The following ROBO2 variants were observed in gnomAD, a reference collection of about 807,000 sequenced individuals.
The protein encoded by ROBO2 is roundabout guidance receptor 2.
In ROBO2, 53 loss-of-function variants were observed where a neutral mutation model predicts 160.8. That is an observed-to-expected ratio of 0.33 (90% confidence interval 0.26 to 0.41). The LOEUF is 0.41. Ranked by LOEUF, ROBO2 falls within the 10% of genes least tolerant of loss-of-function variation. ROBO2 has a pLI of 1.00. For missense variants in ROBO2, 1,577 were observed against 1,722.4 expected (o/e 0.92, Z 1.49); for synonymous variants, 664 against 611.7 (o/e 1.09, Z -1.26).
chr3:76,407,513 T>G (rs1035843179), intron 2 of ROBO2, among the ~76,000 whole-genome samples: 1 of 151,800 alleles, frequency 6.6e-6, no homozygotes, highest in African/African-American at 2.4e-5. Context: ...GGCATAAAAA[T>G]GGGAAAAAAT....
intron 5 of ROBO2, among the ~76,000 whole-genome samples, chr3:77,495,916 G>A (rs942939865): frequency 2.2e-4 from 34 of 152,152 alleles, no homozygotes; most frequent in African/African-American, 8.0e-4. Flanking sequence ...ATTATTTCCA[G>A]CTTAATGTAG....
intron 2 of ROBO2, among the ~76,000 whole-genome samples, chr3:75,978,348 T>A (rs1417224290): frequency 6.6e-6 from 1 of 151,496 alleles, no homozygotes; most frequent in African/African-American, 2.4e-5. Flanking sequence ...TTCAATAAGG[T>A]TTAGCTATTA....
At chr3:76,595,525 G>T (rs964497504) in intron 2 of ROBO2, among the ~76,000 whole-genome samples, 5 of 151,876 alleles carry the variant, frequency 3.3e-5, no homozygotes, top group Admixed American at 1.3e-4. Flanking sequence ...AAGACAACAT[G>T]CAAAAAAAGC....
At chr3:77,538,114 A>G (rs989607506) in intron 6 of ROBO2, among the ~76,000 whole-genome samples, 1 of 65,448 alleles carries the variant, frequency 1.5e-5, no homozygotes, top group Non-Finnish European at 2.8e-5. Flanking sequence ...GACTCAATAA[A>G]AAACAAAAAA....
intron 6 of ROBO2, among the ~76,000 whole-genome samples, chr3:77,529,507 C>A (rs2091463795): frequency 1.3e-5 from 2 of 151,488 alleles, no homozygotes; most frequent in Admixed American, 6.6e-5. Flanking sequence ...AACCTCATGC[C>A]AATATACCAT....
chr3:76,702,414 A>G (rs1382934084), intron 2 of ROBO2, among the ~76,000 whole-genome samples: 3 of 152,028 alleles, frequency 2.0e-5, no homozygotes, highest in Non-Finnish European at 4.4e-5. Context: ...CTGTGAAAAC[A>G]TAGGGGGAAA....
At chr3:77,140,120 T>G (rs1349294078) in intron 2 of ROBO2, among the ~76,000 whole-genome samples, 1 of 152,214 alleles carries the variant, frequency 6.6e-6, no homozygotes, top group Admixed American at 6.5e-5. Flanking sequence ...TTTATACACA[T>G]GAACTGTGAG....
chr3:76,516,648 G>C (rs1484095544), intron 2 of ROBO2, among the ~76,000 whole-genome samples: 1 of 151,946 alleles, frequency 6.6e-6, no homozygotes, highest in Non-Finnish European at 1.5e-5. Context: ...AATTCTTTAA[G>C]GAATCAAAAA....
chr3:77,196,028 G>C (rs945491973), intron 2 of ROBO2, among the ~76,000 whole-genome samples: 11 of 152,182 alleles, frequency 7.2e-5, no homozygotes, highest in African/African-American at 2.7e-4. Context: ...GGACTAGGGG[G>C]CATCATCTGC....
At chr3:76,776,342 T>A (rs554306942) in intron 2 of ROBO2, among the ~76,000 whole-genome samples, 14 of 151,038 alleles carry the variant, frequency 9.3e-5, no homozygotes, top group Non-Finnish European at 1.9e-4. Context: ...TGTTTGATGT[T>A]TTTATGTTTT....
At chr3:76,289,528 CA>C (rs1365008611) in intron 2 of ROBO2, among the ~76,000 whole-genome samples, 3 of 152,088 alleles carry the variant, frequency 2.0e-5, no homozygotes, top group Non-Finnish European at 4.4e-5. Context: ...GTTTTCTTTG[CA>C]ATTGCTTTTG....
intron 2 of ROBO2, among the ~76,000 whole-genome samples, chr3:77,312,676 T>C (rs1332399179): frequency 3.3e-5 from 5 of 152,166 alleles, no homozygotes; most frequent in Non-Finnish European, 5.9e-5. Flanking sequence ...ACTGAAGAGT[T>C]TAATGACTAC....
intron 2 of ROBO2, among the ~76,000 whole-genome samples, chr3:76,067,092 G>T (rs551060254): frequency 6.6e-6 from 1 of 152,272 alleles, no homozygotes; most frequent in South Asian, 2.1e-4. Flanking sequence ...CAAGGCAATA[G>T]CTGAGCAAAG....
intron 1 of ROBO2, among the ~76,000 whole-genome samples, chr3:75,919,380 A>G (rs946206648): frequency 6.6e-6 from 1 of 152,194 alleles, no homozygotes; most frequent in Non-Finnish European, 1.5e-5. Context: ...CATGCCAGGC[A>G]TGAAGCCAAC....
chr3:76,376,878 G>A (rs2076373265), intron 2 of ROBO2, among the ~76,000 whole-genome samples: 2 of 152,082 alleles, frequency 1.3e-5, no homozygotes, highest in African/African-American at 2.4e-5. Flanking sequence ...CTTTTGAAAC[G>A]GTTCCAGGGT....
intron 2 of ROBO2, among the ~76,000 whole-genome samples, chr3:77,011,974 G>T (rs1051607577): frequency 2.6e-5 from 4 of 151,844 alleles, no homozygotes; most frequent in Admixed American, 1.3e-4. Flanking sequence ...TTTTTGGAAG[G>T]TATTATTCTC....
At chr3:76,944,434 A>T (rs929600183) in intron 2 of ROBO2, among the ~76,000 whole-genome samples, 5 of 152,234 alleles carry the variant, frequency 3.3e-5, no homozygotes, top group Non-Finnish European at 7.3e-5. Context: ...ACAAAAAAAA[A>T]TTGAAATTGC....
At chr3:76,718,818 C>CCCTAAAATCTCAGA (rs2093422303) in intron 2 of ROBO2, among the ~76,000 whole-genome samples, 1 of 152,150 alleles carries the variant, frequency 6.6e-6, no homozygotes, top group Non-Finnish European at 1.5e-5. Context: ...GGACTTTATT[C>CCCTAAAATCTCAGA]ACTTGAAAAC....
At chr3:76,511,411 T>C (rs886093477) in intron 2 of ROBO2, among the ~76,000 whole-genome samples, 18 of 152,194 alleles carry the variant, frequency 1.2e-4, no homozygotes, top group Non-Finnish European at 8.8e-5. Flanking sequence ...CTGCAAAATA[T>C]TGTCATTCCT....
Sources: allele counts gnomAD v4.1 joint callset (sites outside exome capture counted in the v4.1 genomes callset), GRCh38; gene constraint gnomAD v4.1.1; transcripts MANE v1.5; gene names NCBI Gene and HGNC (gene_info 2026-07-23, HGNC 2026-07-21).